GXYLT2: variants seen among roughly 807,000 people sequenced by gnomAD.
The protein encoded by GXYLT2 is glycosyltransferase 8 domain containing 4.
In GXYLT2, 53 loss-of-function variants were observed where a neutral mutation model predicts 45.8. That is an observed-to-expected ratio of 1.16 (90% CI 0.93 to 1.46). The LOEUF (loss-of-function observed/expected upper bound fraction) is 1.46. Among genes scored for constraint, GXYLT2 ranks in the 40% most tolerant of loss-of-function variants. GXYLT2 has a pLI of 0.00. For synonymous variants in GXYLT2, 219 were observed against 214.2 expected, an observed-to-expected ratio of 1.02 and a Z score of -0.19; for missense variants, 551 against 544.4, an observed-to-expected ratio of 1.01 and a Z score of -0.12.
At chr3:72,929,390 A>G in intron 3 of GXYLT2, 1 of 1,082,962 alleles carries the variant, frequency 9.2e-7, no homozygotes, top group Non-Finnish European at 1.4e-6. Context: ...GTCAGTCACT[A>G]CTGGAACTGC....
chr3:72,911,643 CA>C (rs1709624777), intron 2 of GXYLT2, among the ~76,000 whole-genome samples: 1 of 152,142 alleles, frequency 6.6e-6, no homozygotes, highest in African/African-American at 2.4e-5. Flanking sequence ...GAAGATCCTC[CA>C]ACCCCTTCAA....
chr3:72,899,439 A>G (rs754763403), intron 1 of GXYLT2, among the ~76,000 whole-genome samples: 5 of 152,238 alleles, frequency 3.3e-5, no homozygotes, highest in Non-Finnish European at 4.4e-5. Context: ...CAGCTCTTCT[A>G]TCTTGAAAGA....
intron 2 of GXYLT2, among the ~76,000 whole-genome samples, chr3:72,920,799 CAT>C (rs377277874): frequency 2.3e-4 from 33 of 144,254 alleles, no homozygotes; most frequent in East Asian, 1.2e-3. Context: ...AATGTACATG[CAT>C]ATATATATAT....
At chr3:72,889,945 G>T (rs1709152271) in intron 1 of GXYLT2, among the ~76,000 whole-genome samples, 2 of 127,406 alleles carry the variant, frequency 1.6e-5, no homozygotes, top group African/African-American at 6.2e-5. Flanking sequence ...TTCCTCTGTC[G>T]CCCAGGCTGG....
At chr3:72,953,676 T>C (rs1159474851) in intron 3 of GXYLT2, among the ~76,000 whole-genome samples, 1 of 152,238 alleles carries the variant, frequency 6.6e-6, no homozygotes, top group Non-Finnish European at 1.5e-5. Context: ...TTTGAGGAGT[T>C]GCAACAGAGC....
At chr3:72,900,068 A>G (rs995588088) in intron 1 of GXYLT2, among the ~76,000 whole-genome samples, 11 of 152,214 alleles carry the variant, frequency 7.2e-5, no homozygotes, top group Admixed American at 4.6e-4. Context: ...AAGTAGCAGG[A>G]GATGGCAGAA....
chr3:72,955,298 T>G lies in GXYLT2; in HGVS notation c.801T>G (p.Asn267Lys). The G allele has an allele frequency of 6.2e-7, 1 of 1,613,976 alleles. No homozygotes were observed. The highest frequency in any genetic ancestry group is 8.5e-7 in the Non-Finnish European group (1 of 1,179,864). The change falls in exon 4 of 7, where the codon AAT (asparagine) becomes AAG (lysine). Residue 267 changes from asparagine (N) to lysine (K), a missense_variant. Transcript: ENST00000389617. The stretch of plus-strand genomic sequence containing the variant: ...CTTTCTATGGCTCTGCAGGAGTTAA[T>G]TCAGGAGTCATGTTAATGAATTTAA... ...RHPFYGSAGV[N>K]SGVMLMNLTR...
chr3:72,922,165 G>C lies in GXYLT2; in HGVS notation c.469-39G>C, dbSNP rs966706866. ...TCGCAGGCATTTTCCATATTTCCTA[G>C]GGCCTAATCACCCTTCCCTTGCTTC... On this transcript the variant is annotated intron_variant, in intron 2 of 6. Coordinates refer to ENST00000389617, the MANE Select transcript of GXYLT2 (RefSeq NM_001080393.2). 4.4e-6 allele frequency: 7 copies of C among 1,591,100 alleles called. No individual in the cohort carries two copies. The African/African-American group carries it at 8.2e-5, about 19-fold the overall frequency.
chr3:72,934,644 G>C (rs146422790), intron 3 of GXYLT2, among the ~76,000 whole-genome samples: 2 of 152,228 alleles, frequency 1.3e-5, no homozygotes, highest in African/African-American at 4.8e-5. Context: ...CAGATTGCCT[G>C]TTTCATACTG....
intron 5 of GXYLT2, among the ~76,000 whole-genome samples, chr3:72,959,106 CTTT>C (rs55680713): frequency 1.7e-5 from 1 of 60,000 alleles, no homozygotes. Context: ...CCACACCCAG[CTTT>C]TTTTTTTTTT....
chr3:72,943,884 A>G (rs993325830), intron 3 of GXYLT2, among the ~76,000 whole-genome samples: 93 of 149,624 alleles, frequency 6.2e-4, no homozygotes, highest in Admixed American at 1.9e-3. Flanking sequence ...GAGCCTTGCT[A>G]TGTTGCCCAG....
chr3:72,932,736 T>C (rs1710064372), intron 3 of GXYLT2, among the ~76,000 whole-genome samples: 2 of 152,254 alleles, frequency 1.3e-5, no homozygotes, highest in African/African-American at 4.8e-5. Flanking sequence ...GAGGTCCAGT[T>C]ACTTTGTTAA....
At chr3:72,966,618 A>AT (rs1483804220) in intron 5 of GXYLT2, among the ~76,000 whole-genome samples, 3 of 132,340 alleles carry the variant, frequency 2.3e-5, no homozygotes, top group Non-Finnish European at 5.0e-5. Context: ...TATTTTTGTA[A>AT]TTTTTTTGGT....
At chr3:72,901,096 C>T (rs1453711804) in intron 1 of GXYLT2, among the ~76,000 whole-genome samples, 2 of 152,050 alleles carry the variant, frequency 1.3e-5, no homozygotes, top group African/African-American at 4.8e-5. Flanking sequence ...CAAGACCAGC[C>T]TGATCAATAT....
At chr3:72,970,408 A>G (rs1341551709) in intron 6 of GXYLT2, among the ~76,000 whole-genome samples, 1 of 151,684 alleles carries the variant, frequency 6.6e-6, no homozygotes, top group Non-Finnish European at 1.5e-5. Context: ...CACGCCTATA[A>G]TCCCAGCACT....
At chr3:72,901,149 C>T (rs1417763111) in intron 1 of GXYLT2, among the ~76,000 whole-genome samples, 2 of 151,962 alleles carry the variant, frequency 1.3e-5, no homozygotes, top group African/African-American at 2.4e-5. Flanking sequence ...ATTAGCTAGG[C>T]GTGGTGGCAG....
intron 4 of GXYLT2, among the ~76,000 whole-genome samples, chr3:72,955,777 C>CA (rs1303755137): frequency 6.6e-6 from 1 of 151,818 alleles, no homozygotes; most frequent in Non-Finnish European, 1.5e-5. Context: ...GAGAACTAGT[C>CA]AAAAAAAATT....
intron 6 of GXYLT2, among the ~76,000 whole-genome samples, chr3:72,969,158 T>C (rs551229343): frequency 6.6e-6 from 1 of 152,050 alleles, no homozygotes; most frequent in African/African-American, 2.4e-5. Flanking sequence ...AATGCAGGTA[T>C]GTGTATGAAC....
intron 3 of GXYLT2, among the ~76,000 whole-genome samples, chr3:72,946,637 C>G (rs965644642): frequency 6.6e-6 from 1 of 152,114 alleles, no homozygotes; most frequent in East Asian, 1.9e-4. Flanking sequence ...CCGAGGCCTT[C>G]TTTATAAGGG....
Sources: gnomAD v4.1 joint callset for allele counts (sites outside exome capture counted in the v4.1 genomes callset) on GRCh38, gnomAD v4.1.1 for gene constraint, MANE v1.5 for transcripts, NCBI Gene and HGNC (gene_info 2026-07-23, HGNC 2026-07-21) for gene names.